PXT1: variants seen among roughly 807,000 people sequenced by gnomAD.
PXT1 encodes the protein peroxisomal testis enriched protein 1.
In PXT1, 11 loss-of-function variants were observed where a neutral mutation model predicts 11.0. That is an observed-to-expected ratio of 1.00 (90% CI 0.63 to 1.66). The LOEUF (loss-of-function observed/expected upper bound fraction) is 1.66. PXT1 is among the 40% of genes most tolerant of loss of function. PXT1 has a pLI of 0.00. For synonymous variants in PXT1, 43 were observed against 51.4 expected (o/e 0.84, Z 0.70); for missense variants, 141 against 155.5 (o/e 0.91, Z 0.49).
Position 36,434,184 on chromosome 6 carries a change from AAAAG to A in PXT1, c.-10+4579_-10+4582del, listed in dbSNP as rs1299168943. Among the ~76,000 whole-genome samples, 3 of 152,104 alleles carry A rather than the reference AAAAG, an allele frequency of 2.0e-5. No individual in the cohort carries two copies. The East Asian group carries it at 5.8e-4, about 29-fold the overall frequency. Reference sequence around the variant, plus strand: ...CTGTCTCTAAAAAAAAAGAAAAAGAAAAAGAAAAGAAACAAAGAAATGCAAAAAA... The same window carrying A: ...CTGTCTCTAAAAAAAAAGAAAAAGAAAAAAGAAACAAAGAAATGCAAAAAA... On this transcript the variant is annotated intron_variant, in intron 2 of 4. Transcript: ENST00000454782.
chr6:36,424,919 CA>C lies in PXT1; in HGVS notation c.169+994del, dbSNP rs992041174. On this transcript the variant is annotated intron_variant, in intron 3 of 4. Transcript: ENST00000454782. ...TGGGCGACAAAGTGAGACTCTATCTCAAAAAAAAAATCTGGTGTGGTGGCAA... is the reference window on the plus strand; with the variant it reads ...TGGGCGACAAAGTGAGACTCTATCTCAAAAAAAAATCTGGTGTGGTGGCAA... 7.4e-5 allele frequency among the ~76,000 whole-genome samples: 11 copies of C among 148,770 alleles called. No individual in the cohort carries two copies. In the East Asian group the frequency reaches 1.8e-3, roughly 24 times the overall value.
intron 2 of PXT1, among the ~76,000 whole-genome samples, chr6:36,431,743 G>T (rs1281611654): frequency 6.6e-6 from 1 of 152,104 alleles, no homozygotes; most frequent in East Asian, 1.9e-4. Flanking sequence ...TCCAGCCTGG[G>T]CAATAGAGTG....
intron 2 of PXT1, among the ~76,000 whole-genome samples, chr6:36,437,502 T>C (rs1730584732): frequency 7.9e-6 from 1 of 126,776 alleles, no homozygotes; most frequent in Admixed American, 1.0e-4. Context: ...ACAAAAAATA[T>C]TTTTTGTGTG....
At chr6:36,392,006 T>A in intron 4 of PXT1, 132 bp from the exon 5 acceptor site, 6 of 642,738 alleles carry the variant, frequency 9.3e-6, no homozygotes, top group Non-Finnish European at 1.6e-5. Flanking sequence ...CTTCTTGGGT[T>A]GCTTTATGAA....
Position 36,425,913 on chromosome 6 carries a change from C to A in PXT1, c.169+1G>T. 13 of 1,532,202 alleles carry A rather than the reference C, an allele frequency of 8.5e-6. No homozygotes were observed. The highest frequency in any genetic ancestry group is 1.1e-5 in the Non-Finnish European group (13 of 1,144,740). The allele number at this position is 1,532,202 out of a possible 1,614,324, so 94.9% of individuals were successfully genotyped here. A position where few individuals can be genotyped will look rare whatever the true frequency, so the allele number is the denominator to read the frequency against. Reference sequence around the variant, plus strand: ...ATCTTAGTTTAATCCAAATATCTTACCTGGGTTCCTTGACATGGCTGGAAC... The same window carrying A: ...ATCTTAGTTTAATCCAAATATCTTAACTGGGTTCCTTGACATGGCTGGAAC... On this transcript the variant is annotated splice_donor_variant, in intron 3 of 4. Transcript: ENST00000454782. LOFTEE classifies it high-confidence loss of function.
At chr6:36,442,322 C>T (rs1774885548) in intron 1 of PXT1, among the ~76,000 whole-genome samples, 2 of 152,186 alleles carry the variant, frequency 1.3e-5, no homozygotes, top group South Asian at 4.1e-4. Context: ...AGCCACCAAG[C>T]CCGGCCTAGT....
intron 2 of PXT1, among the ~76,000 whole-genome samples, chr6:36,429,508 C>CTTTTTTTTTTTTTT (rs112777415): frequency 3.7e-5 from 4 of 108,212 alleles, no homozygotes; most frequent in African/African-American, 7.6e-5. Flanking sequence ...TTTTTCTTTT[C>CTTTTTTTTTTTTTT]TTTTTTTTTT....
chr6:36,402,667 G>A (rs1774230170), intron 3 of PXT1, among the ~76,000 whole-genome samples: 1 of 152,196 alleles, frequency 6.6e-6, no homozygotes, highest in South Asian at 2.1e-4. Flanking sequence ...CCAGGCAGAA[G>A]GATCAAGTGA....
chr6:36,437,805 C>A (rs991330160), intron 2 of PXT1, among the ~76,000 whole-genome samples: 25 of 144,400 alleles, frequency 1.7e-4, no homozygotes, highest in African/African-American at 6.5e-4. Context: ...CGTGAGCCAC[C>A]GTGCCCAGCC....
At chr6:36,392,281 A>G (rs528161093) in intron 4 of PXT1, among the ~76,000 whole-genome samples, 2 of 152,224 alleles carry the variant, frequency 1.3e-5, no homozygotes, top group African/African-American at 4.8e-5. Flanking sequence ...AAATTGGGGC[A>G]CTCTTTTCAG....
chr6:36,438,032 C>T (rs1413693136), intron 2 of PXT1, among the ~76,000 whole-genome samples: 1 of 151,398 alleles, frequency 6.6e-6, no homozygotes, highest in Admixed American at 6.6e-5. Context: ...GTTGATCAGG[C>T]TGGTCTCGAA....
chr6:36,418,211 T>G (rs1410539269), intron 3 of PXT1, among the ~76,000 whole-genome samples: 1 of 150,284 alleles, frequency 6.7e-6, no homozygotes, highest in African/African-American at 2.5e-5. Flanking sequence ...AAAAAAAAAG[T>G]AAATTTGTTA....
At chr6:36,410,503 A>G (rs1294204763) in intron 3 of PXT1, among the ~76,000 whole-genome samples, 1 of 151,750 alleles carries the variant, frequency 6.6e-6, no homozygotes, top group Non-Finnish European at 1.5e-5. Flanking sequence ...GAAGAGAGGA[A>G]GGAAGAAAGA....
At chr6:36,441,033 G>A (rs1774851954) in intron 1 of PXT1, among the ~76,000 whole-genome samples, 1 of 150,146 alleles carries the variant, frequency 6.7e-6, no homozygotes, top group African/African-American at 2.5e-5. Context: ...TAGGGAGGCA[G>A]AAGCAGGAGG....
intron 2 of PXT1, among the ~76,000 whole-genome samples, chr6:36,430,637 C>T (rs1442282887): frequency 6.6e-6 from 1 of 152,078 alleles, no homozygotes; most frequent in Non-Finnish European, 1.5e-5. Flanking sequence ...TGCAACCCTG[C>T]CAACTCATTT....
At chr6:36,419,803 T>C (rs9368931) in intron 3 of PXT1, among the ~76,000 whole-genome samples, 71,099 of 152,004 alleles carry the variant, frequency 0.47, 17,134 homozygotes, top group Middle Eastern at 0.58. Flanking sequence ...ATAATGCACA[T>C]TCATGTATTT....
At chr6:36,396,917 C>G in intron 4 of PXT1, among the ~76,000 whole-genome samples, 1 of 152,104 alleles carries the variant, frequency 6.6e-6, no homozygotes, top group East Asian at 1.9e-4. Flanking sequence ...GAGGAGCCAC[C>G]CTTCCCAGGG....
At position 36,439,781 on chromosome 6, in the gene PXT1, C is replaced by A. The variant is rs144442551; in HGVS notation, c.-129-895G>T. ...CGAAGGCCAGAGCCTGTTTGTAAACCATTAACAGGAATAACAAGAGATAAA... is the reference window on the plus strand; with the variant it reads ...CGAAGGCCAGAGCCTGTTTGTAAACAATTAACAGGAATAACAAGAGATAAA... On this transcript the variant is annotated intron_variant, in intron 1 of 4. Transcript: ENST00000454782. 9.3e-4 allele frequency among the ~76,000 whole-genome samples: 142 copies of A among 152,156 alleles called. 1 individual carries two copies. The highest frequency in any genetic ancestry group is 3.0e-3 in the African/African-American group (125 of 41,492).
intron 3 of PXT1, among the ~76,000 whole-genome samples, chr6:36,414,160 A>AG (rs1442564935): frequency 1.9e-4 from 2 of 10,370 alleles, no homozygotes; most frequent in Non-Finnish European, 6.0e-4. Flanking sequence ...CTAAATTAAG[A>AG]AGAAAAAACC....
Sources: allele counts gnomAD v4.1 joint callset (sites outside exome capture counted in the v4.1 genomes callset), GRCh38; gene constraint gnomAD v4.1.1; transcripts MANE v1.5; gene names NCBI Gene and HGNC (gene_info 2026-07-23, HGNC 2026-07-21).